NOD2: variants seen among roughly 807,000 people sequenced by gnomAD.
NOD2 encodes the protein nucleotide-binding oligomerization domain-containing protein 2.
Under a neutral mutation model 90.9 loss-of-function variants are expected in NOD2, and 86 were observed. That is an observed-to-expected ratio of 0.95 (90% CI 0.79 to 1.13). The LOEUF (loss-of-function observed/expected upper bound fraction) is 1.13, where lower values mean the gene tolerates loss of function less well. NOD2 is among the 50% of genes most tolerant of loss of function. NOD2 has a pLI of 0.00. For missense variants in NOD2, 1,238 were observed against 1,283.8 expected (o/e 0.96, Z 0.55); for synonymous variants, 581 against 554.6 (o/e 1.05, Z -0.67).
intron 3 of NOD2, among the ~76,000 whole-genome samples, chr16:50,708,947 C>T (rs1964330212): frequency 6.6e-6 from 1 of 152,238 alleles, no homozygotes; most frequent in African/African-American, 2.4e-5. Context: ...TTGCTGTTGA[C>T]ATCATCAAGC....
At chr16:50,697,241 T>G in intron 1 of NOD2, 1 of 1,555,334 alleles carries the variant, frequency 6.4e-7, no homozygotes, top group Non-Finnish European at 8.7e-7. Flanking sequence ...CTAATGGGCT[T>G]TGATGGGGGA....
chr16:50,697,268 T>A, intron 1 of NOD2: 1 of 1,559,710 alleles, frequency 6.4e-7, no homozygotes, highest in Non-Finnish European at 8.7e-7. Context: ...TGGTTCAGCC[T>A]CTCACGATGA....
intron 2 of NOD2, among the ~76,000 whole-genome samples, chr16:50,703,924 G>T (rs1964061452): frequency 1.3e-5 from 2 of 152,158 alleles, no homozygotes; most frequent in South Asian, 4.1e-4. Context: ...GTGTCCGGAG[G>T]AAAATGGCCA....
chr16:50,693,644 G>T lies in NOD2; in HGVS notation c.-27G>T. On this transcript the variant is annotated 5_prime_UTR_variant, in exon 1 of 12. Coordinates refer to ENST00000647318, the MANE Select transcript of NOD2 (RefSeq NM_001370466.1). Reference sequence around the variant, plus strand: ...GTGGCCCGGAGTGGGCCTTGGAGTCGGCGCGCAGGCGGCTCGCGGTGAGTG... The same window carrying T: ...GTGGCCCGGAGTGGGCCTTGGAGTCTGCGCGCAGGCGGCTCGCGGTGAGTG... 6.6e-6 allele frequency: 1 copy of T among 152,580 alleles called. No individual in the cohort carries two copies. Among genetic ancestry groups the T allele is most frequent in the South Asian group, 1.9e-4 (1 of 5,154 alleles). The allele number at this position is 152,580 out of a possible 1,614,324, so 9.5% of individuals were successfully genotyped here. A position where few individuals can be genotyped will look rare whatever the true frequency, so the allele number is the denominator to read the frequency against.
chr16:50,720,579 A>T (rs964588197), intron 7 of NOD2, among the ~76,000 whole-genome samples: 2 of 152,206 alleles, frequency 1.3e-5, no homozygotes. Context: ...CCCAACCTGC[A>T]GCCCCAGGGT....
intron 1 of NOD2, chr16:50,697,509 C>A: frequency 1.5e-6 from 1 of 669,628 alleles, no homozygotes; most frequent in Non-Finnish European, 2.7e-6. Context: ...GCCGCTGTCG[C>A]ATCCTTGGCT....
intron 3 of NOD2, among the ~76,000 whole-genome samples, chr16:50,708,901 C>T (rs928160647): frequency 8.5e-5 from 13 of 152,228 alleles, no homozygotes; most frequent in Admixed American, 4.6e-4. Context: ...GTGCGCGGCA[C>T]GGAGTGCAGG....
At position 50,711,639 on chromosome 16, in the gene NOD2, C is replaced by G. The variant is rs1210346907; in HGVS notation, c.1647C>G (p.Ser549Arg). 3 of 1,612,688 alleles carry G rather than the reference C, an allele frequency of 1.9e-6. No homozygotes were observed. Among genetic ancestry groups the G allele is most frequent in the Non-Finnish European group, 2.5e-6 (3 of 1,179,978 alleles). The change falls in exon 4 of 12, where the codon AGC (serine) becomes AGG (arginine). Residue 549 changes from serine to arginine, a missense_variant. By Grantham distance (110) the Ser-to-Arg change is moderately radical. Coordinates refer to ENST00000647318, the MANE Select transcript of NOD2 (RefSeq NM_001370466.1). ...SAQQLQAAQV[S>R]PDDISLGFLV... ...AGCAGCTCCAGGCAGCACAGGTCAG[C>G]CCTGATGACATTTCTCTTGGCTTCC... is the stretch of plus-strand genomic sequence containing the variant.
At position 50,725,663 on chromosome 16, in the gene NOD2, C is replaced by T. The variant is rs535521542; in HGVS notation, c.2885+91C>T. On this transcript the variant is annotated intron_variant, in intron 10 of 11. Transcript: ENST00000647318. ...AAGATCTGGGCCGCTCTCCGCTGGG[C>T]TAACTCATGTGAGGTGGCCTGGTAG... The T allele has an allele frequency of 1.8e-5, 18 of 989,968 alleles. No individual in the cohort carries two copies. In the African/African-American group the frequency reaches 2.2e-4, roughly 12 times the overall value. 61.3% of individuals were successfully genotyped at this position (989,968 alleles called of 1,614,324 possible).
At chr16:50,716,397 G>A (rs1250009419) in intron 4 of NOD2, among the ~76,000 whole-genome samples, 190 bp from the exon 5 acceptor site, 1 of 152,136 alleles carries the variant, frequency 6.6e-6, no homozygotes, top group Non-Finnish European at 1.5e-5. Context: ...CCATCATAGT[G>A]CACCACGTCA....
chr16:50,725,088 G>A (rs1003494063), intron 9 of NOD2, among the ~76,000 whole-genome samples: 1 of 152,206 alleles, frequency 6.6e-6, no homozygotes, highest in East Asian at 1.9e-4. Flanking sequence ...CCCACCTGTC[G>A]ACTTCCCCTT....
intron 8 of NOD2, among the ~76,000 whole-genome samples, 165 bp from the exon 9 acceptor site, chr16:50,723,136 G>A (rs1245571647): frequency 4.2e-5 from 5 of 118,652 alleles, no homozygotes; most frequent in African/African-American, 1.6e-4. Context: ...TCTAAAAAGG[G>A]TAGAAAAAAA....
chr16:50,708,060 A>C (rs944739148), intron 3 of NOD2, 100 bp downstream of exon 3: 1 of 821,826 alleles, frequency 1.2e-6, no homozygotes, highest in African/African-American at 1.7e-5. Flanking sequence ...ATATGCTGGC[A>C]GTATAGCCTC....
intron 1 of NOD2, among the ~76,000 whole-genome samples, chr16:50,696,827 GT>G (rs1202569859): frequency 1.3e-5 from 2 of 152,240 alleles, no homozygotes; most frequent in African/African-American, 4.8e-5. Context: ...TCCGAGTCAC[GT>G]GGCTTGGGCG....
chr16:50,723,375 A>G lies in NOD2; in HGVS notation c.2792A>G (p.Glu931Gly), dbSNP rs746965976. The G allele has an allele frequency of 2.9e-5, 47 of 1,613,758 alleles. No individual in the cohort carries two copies. Among genetic ancestry groups the G allele is most frequent in the Non-Finnish European group, 3.9e-5 (46 of 1,179,832 alleles). ...ATGCTGGCAAAGAACGTCATGCTAG[A>G]AGAACTCTGGTGAGTTTGGGGGATT... ...ALMLAKNVML[E>G]ELCLEENHLQ... Residue 931 changes from glutamate to glycine, a missense_variant, in exon 9 of 12, where the codon GAA (glutamate) becomes GGA (glycine). This residue lies in a region of NOD2 where 667 missense variants were observed against 688.7 expected (regional missense o/e 0.97). Transcript: ENST00000647318.
In NOD2 at chr16:50,710,626, A is replaced by G; in HGVS notation, c.634A>G (p.Thr212Ala). Residue 212 changes from threonine (T) to alanine (A), a missense_variant, in exon 4 of 12, where the codon ACC (threonine) becomes GCC (alanine). Physicochemically the swap from Thr to Ala is moderately conservative, Grantham distance 58. Transcript: ENST00000647318. Reference sequence around the variant, plus strand: ...GTCTGCTCAGTCTCGCTTCCTCAGTACCTATGATGGAGCAGAGACGCTCTG... The same window carrying G: ...GTCTGCTCAGTCTCGCTTCCTCAGTGCCTATGATGGAGCAGAGACGCTCTG... ...TVSAQSRFLS[T>A]YDGAETLCLE... 6.2e-7 allele frequency: 1 copy of G among 1,614,138 alleles called. No homozygotes were observed. Among genetic ancestry groups the G allele is most frequent in the African/African-American group, 1.3e-5 (1 of 75,026 alleles).
intron 1 of NOD2, chr16:50,697,599 C>G (rs994798550): frequency 2.1e-6 from 1 of 481,838 alleles, no homozygotes; most frequent in South Asian, 2.0e-5. Context: ...TTCCCCTGTC[C>G]TCGGCCACCC....
chr16:50,696,888 G>A (rs1035555348), intron 1 of NOD2, among the ~76,000 whole-genome samples: 12 of 152,252 alleles, frequency 7.9e-5, no homozygotes, highest in African/African-American at 2.9e-4. Flanking sequence ...TAGCTGGGGT[G>A]TGTATGGCTC....
At chr16:50,699,303 G>A (rs1567380193) in intron 1 of NOD2, among the ~76,000 whole-genome samples, 185 bp from the exon 2 acceptor site, 1 of 152,168 alleles carries the variant, frequency 6.6e-6, no homozygotes, top group Non-Finnish European at 1.5e-5. Context: ...ACCTTGAGGT[G>A]TTTCTTGCCT....
Sources: gnomAD v4.1 joint callset for allele counts (sites outside exome capture counted in the v4.1 genomes callset) on GRCh38, gnomAD v4.1.1 for gene constraint, gnomAD v4.1.1 regional missense constraint, MANE v1.5 for transcripts, NCBI Gene and HGNC (gene_info 2026-07-23, HGNC 2026-07-21) for gene names.